SKIC3: variants seen among roughly 807,000 people sequenced by gnomAD.
SKIC3 encodes SKI3 subunit of superkiller complex, also known as superkiller complex protein 3.
chr5:95,547,814 T>C, the SKIC3 span, among the ~76,000 whole-genome samples: 3 of 152,136 alleles, frequency 2.0e-5, 1 homozygote, highest in Non-Finnish European at 1.5e-5. Context: ...GACTGTGATA[T>C]GAAAGTTTAA....
chr5:95,528,033 C>T, the SKIC3 span: 1 of 1,613,590 alleles, frequency 6.2e-7, no homozygotes, highest in Non-Finnish European at 8.5e-7. Flanking sequence ...GTACGAATTG[C>T]TTCCTCTGAA....
At chr5:95,504,336 C>CA in the SKIC3 span, among the ~76,000 whole-genome samples, 17 of 146,974 alleles carry the variant, frequency 1.2e-4, no homozygotes, top group Middle Eastern at 3.4e-3. Flanking sequence ...AGACTGGTCT[C>CA]AAAAAAAAAA....
chr5:95,535,847 A>G, the SKIC3 span, among the ~76,000 whole-genome samples: 1 of 152,212 alleles, frequency 6.6e-6, no homozygotes, highest in African/African-American at 2.4e-5. Flanking sequence ...CAAAGTGAAA[A>G]AAATTAAATG....
At chr5:95,542,661 T>G in the SKIC3 span, among the ~76,000 whole-genome samples, 180 of 152,236 alleles carry the variant, frequency 1.2e-3, 4 homozygotes, top group East Asian at 0.032. Flanking sequence ...GTTCACACCC[T>G]CCAGGGCCTA....
the SKIC3 span, among the ~76,000 whole-genome samples, chr5:95,475,954 C>A: frequency 6.6e-6 from 1 of 152,228 alleles, no homozygotes; most frequent in Non-Finnish European, 1.5e-5. Flanking sequence ...GAAAGGACCA[C>A]CTCACCAGCT....
chr5:95,506,406 C>T, the SKIC3 span, among the ~76,000 whole-genome samples: 4 of 152,182 alleles, frequency 2.6e-5, no homozygotes, highest in African/African-American at 4.8e-5. Context: ...TCCTACAATA[C>T]TTCTATTCTC....
At chr5:95,523,301 G>C in the SKIC3 span, 1 of 1,613,540 alleles carries the variant, frequency 6.2e-7, no homozygotes, top group Non-Finnish European at 8.5e-7. Flanking sequence ...TTGAGTTACT[G>C]TTGTTAGGAT....
At chr5:95,527,913 C>T in the SKIC3 span, 1 of 1,372,606 alleles carries the variant, frequency 7.3e-7, no homozygotes, top group South Asian at 1.2e-5. Context: ...ACCTCTAACA[C>T]AAAATCCATA....
the SKIC3 span, among the ~76,000 whole-genome samples, chr5:95,492,952 T>A: frequency 6.6e-6 from 1 of 152,060 alleles, no homozygotes; most frequent in African/African-American, 2.4e-5. Context: ...AAATTCCCTA[T>A]AAAATAAAGT....
the SKIC3 span, chr5:95,512,649 G>A: frequency 5.6e-6 from 9 of 1,612,952 alleles, no homozygotes; most frequent in Admixed American, 1.2e-4. Flanking sequence ...AGCAGACATA[G>A]GATAATAAAT....
At chr5:95,509,583 A>G in the SKIC3 span, 1 of 1,587,782 alleles carries the variant, frequency 6.3e-7, no homozygotes, top group Non-Finnish European at 8.6e-7. Flanking sequence ...TCACAATTAA[A>G]TGTAGTTTAC....
chr5:95,537,618 T>C, the SKIC3 span, among the ~76,000 whole-genome samples: 1 of 152,216 alleles, frequency 6.6e-6, no homozygotes, highest in Non-Finnish European at 1.5e-5. Flanking sequence ...TGAACTGTTA[T>C]GAAATCACTT....
chr5:95,502,847 G>T, the SKIC3 span: 9 of 1,610,000 alleles, frequency 5.6e-6, no homozygotes, highest in East Asian at 2.0e-4. Context: ...TAAGTATCTG[G>T]TCATGTTAAG....
the SKIC3 span, among the ~76,000 whole-genome samples, chr5:95,478,070 A>C: frequency 6.6e-6 from 1 of 152,164 alleles, no homozygotes; most frequent in South Asian, 2.1e-4. Flanking sequence ...TAAAACTGTA[A>C]TCTTTTTTCC....
the SKIC3 span, chr5:95,516,881 TGAAAAGG>T: frequency 6.4e-7 from 1 of 1,559,458 alleles, no homozygotes; most frequent in Non-Finnish European, 8.7e-7. Flanking sequence ...ATTATGTTTT[TGAAAAGG>T]TTTATAAAAA....
At chr5:95,504,298 T>G in the SKIC3 span, among the ~76,000 whole-genome samples, 2 of 149,724 alleles carry the variant, frequency 1.3e-5, no homozygotes, top group Non-Finnish European at 2.9e-5. Flanking sequence ...ATTGCACCAC[T>G]GCACTCCAGC....
the SKIC3 span, chr5:95,541,269 C>G: frequency 1.2e-6 from 2 of 1,601,708 alleles, no homozygotes; most frequent in Non-Finnish European, 1.7e-6. Flanking sequence ...CCCAGCCCAT[C>G]TATTATTAAA....
chr5:95,474,729 C>G, the SKIC3 span, among the ~76,000 whole-genome samples: 3 of 152,186 alleles, frequency 2.0e-5, no homozygotes, highest in South Asian at 6.2e-4. Context: ...CTCATCCTCT[C>G]TCAGGAATGC....
chr5:95,494,948 A>T, the SKIC3 span: 3 of 1,613,102 alleles, frequency 1.9e-6, no homozygotes, highest in Non-Finnish European at 2.5e-6. Context: ...TTTCCTTTGT[A>T]CTAGGACAAA....
Sources: gnomAD v4.1 joint callset for allele counts (sites outside exome capture counted in the v4.1 genomes callset) on GRCh38, gnomAD v4.1.1 for gene constraint, MANE v1.5 for transcripts, NCBI Gene and HGNC (gene_info 2026-07-23, HGNC 2026-07-21) for gene names.